The following CLCN4 variants were observed in gnomAD, a reference collection of about 807,000 sequenced individuals.
The protein encoded by CLCN4 is Cl-/H+ antiporter 4, also known as H(+)/Cl(-) exchange transporter 4.
In CLCN4, 1 loss-of-function variant was observed where a neutral mutation model predicts 41.7. The observed-to-expected ratio is 0.02, with a 90% confidence interval of 0.01 to 0.11. The LOEUF (loss-of-function observed/expected upper bound fraction) is 0.11, where lower values mean the gene tolerates loss of function less well. Ranked by LOEUF, CLCN4 falls within the 10% of genes least tolerant of loss-of-function variation. The probability of loss-of-function intolerance (pLI) is 1.00; values close to 1 mark genes in which losing one functional copy is unlikely to be tolerated. For synonymous variants in CLCN4, 277 were observed against 285.8 expected, an observed-to-expected ratio of 0.97 and a Z score of 0.31; for missense variants, 287 against 661.0, an observed-to-expected ratio of 0.43 and a Z score of 6.20.
chrX:10,210,046 CT>C (rs1049085109), intron 9 of CLCN4, among the ~76,000 whole-genome samples: 13 of 111,650 alleles, frequency 1.2e-4, no homozygotes, highest in Non-Finnish European at 1.9e-4. Context: ...TAATCTGTCT[CT>C]AGATTCGCCT....
At chrX:10,191,679 C>A (rs1923964585) in intron 4 of CLCN4, among the ~76,000 whole-genome samples, 1 of 100,568 alleles carries the variant, frequency 9.9e-6, no homozygotes, top group Non-Finnish European at 2.0e-5. Context: ...GCGCGTGCCA[C>A]CATATCTGGT....
chrX:10,191,692 A>AATTTTTTT (rs1923965329), intron 4 of CLCN4, among the ~76,000 whole-genome samples: 2 of 49,771 alleles, frequency 4.0e-5, no homozygotes, highest in African/African-American at 1.8e-4. Context: ...TATCTGGTTA[A>AATTTTTTT]TTTTTTTTTT....
chrX:10,198,729 C>G (rs755896022), intron 6 of CLCN4, among the ~76,000 whole-genome samples: 1 of 112,272 alleles, frequency 8.9e-6, no homozygotes, highest in Non-Finnish European at 1.9e-5. Flanking sequence ...AACTTGAAAC[C>G]TATGAGGACC....
intron 2 of CLCN4, among the ~76,000 whole-genome samples, chrX:10,182,821 G>A (rs926746354): frequency 6.2e-5 from 7 of 112,657 alleles, no homozygotes; most frequent in Non-Finnish European, 1.1e-4. Flanking sequence ...ATCAGAGCCT[G>A]TTTATTTTCC....
At chrX:10,161,122 T>TCTCTCTCTC (rs1278837791) in intron 2 of CLCN4, among the ~76,000 whole-genome samples, 1 of 88,045 alleles carries the variant, frequency 1.1e-5, no homozygotes, top group Non-Finnish European at 2.2e-5. Flanking sequence ...TGCCATCAGC[T>TCTCTCTCTC]TGCTCTCTCT....
At chrX:10,175,834 G>T (rs1923505582) in intron 2 of CLCN4, among the ~76,000 whole-genome samples, 1 of 106,869 alleles carries the variant, frequency 9.4e-6, no homozygotes, top group Non-Finnish European at 1.9e-5. Context: ...AAACTTTTCT[G>T]ATTGTAGGAT....
chrX:10,200,019 G>C (rs1262394178), intron 6 of CLCN4, among the ~76,000 whole-genome samples: 1 of 111,698 alleles, frequency 9.0e-6, no homozygotes, highest in Non-Finnish European at 1.9e-5. Context: ...CTAAAGTGTT[G>C]GGATTACAGG....
intron 3 of CLCN4, 119 bp downstream of exon 3, chrX:10,185,295 G>T: frequency 1.3e-6 from 1 of 745,154 alleles, no homozygotes; most frequent in Non-Finnish European, 1.9e-6. Flanking sequence ...GTCTAAAGAA[G>T]AAAAGAGCCA....
chrX:10,192,052 C>A (rs756593709), intron 4 of CLCN4, among the ~76,000 whole-genome samples: 124 of 110,488 alleles, frequency 1.1e-3, no homozygotes, highest in African/African-American at 3.9e-3. Flanking sequence ...TTATTTATTG[C>A]AATATTTTAT....
chrX:10,162,361 G>C (rs1923132423), intron 2 of CLCN4, among the ~76,000 whole-genome samples: 1 of 111,496 alleles, frequency 9.0e-6, no homozygotes, highest in African/African-American at 3.3e-5. Flanking sequence ...GAGACACCTT[G>C]AGCTGAGGCA....
At chrX:10,178,010 G>C (rs1208392241) in intron 2 of CLCN4, among the ~76,000 whole-genome samples, 1 of 112,240 alleles carries the variant, frequency 8.9e-6, no homozygotes, top group African/African-American at 3.2e-5. Flanking sequence ...ATTATGCTAG[G>C]TGGAAGAAGC....
At position 10,213,821 on chromosome X, in the gene CLCN4, G is replaced by A. The variant is rs1837099129; in HGVS notation, c.1717G>A (p.Glu573Lys). 8.2e-7 allele frequency: 1 copy of A among 1,212,131 alleles called. No homozygotes were observed. Among genetic ancestry groups the A allele is most frequent in the Non-Finnish European group, 1.1e-6 (1 of 895,596 alleles). The change falls in exon 11 of 13, where the codon GAG becomes AAG. Residue 573 changes from glutamate (E) to lysine (K), a missense_variant. Transcript: ENST00000380833. ...ADAFGKEGIY[E>K]AHIHLNGYPF... ...TGCATTTGGGAAAGAAGGCATCTACGAGGCCCACATCCACTTAAATGGGTA... is the reference window on the plus strand; with the variant it reads ...TGCATTTGGGAAAGAAGGCATCTACAAGGCCCACATCCACTTAAATGGGTA...
rs761426215 is a variant in CLCN4, at chrX:10,202,396, C to T, written c.556-3962C>T. Among the ~76,000 whole-genome samples the T allele has an allele frequency of 1.3e-3, 142 of 110,495 alleles. 1 individual carries two copies. Among genetic ancestry groups the T allele is most frequent in the Non-Finnish European group, 2.0e-3 (104 of 52,848 alleles). On this transcript the variant is annotated intron_variant, in intron 6 of 12. Coordinates refer to ENST00000380833, the MANE Select transcript of CLCN4 (RefSeq NM_001830.4). Reference sequence around the variant, plus strand: ...GTTGAGGCACGAGAATCGCTTGAACCTGGGAGATAGAGGTTGCAGTGAGCT... The same window carrying T: ...GTTGAGGCACGAGAATCGCTTGAACTTGGGAGATAGAGGTTGCAGTGAGCT...
At chrX:10,168,833 A>G (rs1385201305) in intron 2 of CLCN4, among the ~76,000 whole-genome samples, 1 of 109,620 alleles carries the variant, frequency 9.1e-6, no homozygotes, top group Admixed American at 9.8e-5. Flanking sequence ...TTGGAACTTT[A>G]TAGGGATGGA....
chrX:10,172,735 G>C (rs1454249580), intron 2 of CLCN4, among the ~76,000 whole-genome samples: 1 of 110,501 alleles, frequency 9.0e-6, no homozygotes, highest in African/African-American at 3.3e-5. Flanking sequence ...TGGTACACTA[G>C]CTGTATTTTA....
In CLCN4 at chrX:10,206,218, A is replaced by G. The variant is rs766611244; in HGVS notation, c.556-140A>G. ...TCAGTTAATATAAAATTATAGTTAAATCAAAAATGAAAATGGTTTCTGTTC... is the reference window on the plus strand; with the variant it reads ...TCAGTTAATATAAAATTATAGTTAAGTCAAAAATGAAAATGGTTTCTGTTC... On this transcript the variant is annotated intron_variant, in intron 6 of 12. Transcript: ENST00000380833. The G allele has an allele frequency of 1.9e-5, 9 of 462,353 alleles. No homozygotes were observed. The South Asian group carries it at 3.2e-4, about 16-fold the overall frequency. The allele number at this position is 462,353 out of a possible 1,213,427, so 38.1% of individuals were successfully genotyped here.
At chrX:10,212,796 C>T (rs746640201) in intron 10 of CLCN4, 143 bp downstream of exon 10, 2 of 481,905 alleles carry the variant, frequency 4.2e-6, no homozygotes, top group Non-Finnish European at 6.7e-6. Context: ...ACCCCTAAAT[C>T]ACAATGGCTT....
intron 2 of CLCN4, among the ~76,000 whole-genome samples, chrX:10,172,559 G>A (rs1350117533): frequency 1.8e-5 from 2 of 111,293 alleles, no homozygotes; most frequent in East Asian, 5.6e-4. Context: ...TGAAGAGACC[G>A]AGGTCAAGGC....
chrX:10,211,884 A>G (rs142752396), intron 9 of CLCN4, among the ~76,000 whole-genome samples: 1,399 of 111,831 alleles, frequency 0.013, 18 homozygotes, highest in African/African-American at 0.042. Flanking sequence ...TTATTAGAAA[A>G]TGTACTTCAT....
Sources: allele counts gnomAD v4.1 joint callset (sites outside exome capture counted in the v4.1 genomes callset), GRCh38; gene constraint gnomAD v4.1.1; transcripts MANE v1.5; gene names NCBI Gene and HGNC (gene_info 2026-07-23, HGNC 2026-07-21).